Variants in MIPOL1 observed in about 807,000 individuals in gnomAD.
MIPOL1 encodes the protein mirror-image polydactyly 1, also known as mirror-image polydactyly gene 1 protein.
MIPOL1 carries 57 observed loss-of-function variants against 60.9 expected under a neutral mutation model. That is an observed-to-expected ratio of 0.94 (90% CI 0.76 to 1.17). The LOEUF (loss-of-function observed/expected upper bound fraction) is 1.17. Among genes scored for constraint, MIPOL1 ranks in the 50% most tolerant of loss-of-function variants. MIPOL1 has a pLI of 0.00. For synonymous variants in MIPOL1, 179 were observed against 168.8 expected, an observed-to-expected ratio of 1.06 and a Z score of -0.47; for missense variants, 551 against 511.6, an observed-to-expected ratio of 1.08 and a Z score of -0.74.
intron 11 of MIPOL1, among the ~76,000 whole-genome samples, chr14:37,436,440 G>T (rs905519546): frequency 5.9e-5 from 9 of 152,040 alleles, no homozygotes; most frequent in African/African-American, 2.2e-4. Context: ...ATGAATTAAA[G>T]ATTTTTATTG....
chr14:37,338,414 CT>C (rs59933277), intron 9 of MIPOL1, among the ~76,000 whole-genome samples: 3,195 of 150,198 alleles, frequency 0.021, 56 homozygotes, highest in African/African-American at 0.045. Context: ...CTGGCCCCCC[CT>C]TTTTTTTTTT....
chr14:37,443,341 T>A (rs949071349), intron 11 of MIPOL1, among the ~76,000 whole-genome samples: 4 of 151,064 alleles, frequency 2.6e-5, no homozygotes, highest in Middle Eastern at 3.4e-3. Context: ...TACCTATAGT[T>A]CCAGCTACTG....
intron 12 of MIPOL1, among the ~76,000 whole-genome samples, chr14:37,531,992 G>A (rs2095482613): frequency 6.6e-6 from 1 of 152,134 alleles, no homozygotes; most frequent in South Asian, 2.1e-4. Flanking sequence ...AGAGGAAGAG[G>A]CATTAAGGGA....
intron 9 of MIPOL1, among the ~76,000 whole-genome samples, chr14:37,353,860 C>T (rs1289118748): frequency 1.3e-5 from 2 of 152,010 alleles, no homozygotes; most frequent in Non-Finnish European, 2.9e-5. Flanking sequence ...AAAACCAGCT[C>T]CTGGATTCAT....
chr14:37,251,356 C>T (rs1224159317), intron 3 of MIPOL1, among the ~76,000 whole-genome samples: 2 of 151,986 alleles, frequency 1.3e-5, no homozygotes, highest in Admixed American at 1.3e-4. Flanking sequence ...GCGAAAACAA[C>T]TGTATCTAGC....
chr14:37,485,893 T>C (rs145307794), intron 11 of MIPOL1, among the ~76,000 whole-genome samples: 1 of 152,202 alleles, frequency 6.6e-6, no homozygotes, highest in Non-Finnish European at 1.5e-5. Context: ...GTTTTAGTCA[T>C]GAAGTCTTTG....
At chr14:37,322,390 A>G (rs767248969) in intron 9 of MIPOL1, among the ~76,000 whole-genome samples, 2 of 151,930 alleles carry the variant, frequency 1.3e-5, no homozygotes, top group Non-Finnish European at 2.9e-5. Flanking sequence ...TGATATTTTT[A>G]TATCACTCTT....
At chr14:37,270,639 TC>T in intron 6 of MIPOL1, 114 bp downstream of exon 6, 5 of 292,818 alleles carry the variant, frequency 1.7e-5, no homozygotes, top group African/African-American at 3.5e-5. Context: ...GGGGAAGCTC[TC>T]CTTTTTTTTT....
chr14:37,361,793 G>A (rs1024856950), intron 9 of MIPOL1, among the ~76,000 whole-genome samples: 4 of 151,698 alleles, frequency 2.6e-5, no homozygotes, highest in Admixed American at 2.0e-4. Flanking sequence ...ATTTTTCGTA[G>A]AGTCCGGGTT....
Position 37,357,760 on chromosome 14 carries a change from G to T in MIPOL1, c.829-11757G>T, listed in dbSNP as rs140094532. ...CCTTTGCTGTGCAGAAGATTTTTAAGTTGATGGGATCTCATTTGTCCATTT... is the reference window on the plus strand; with the variant it reads ...CCTTTGCTGTGCAGAAGATTTTTAATTTGATGGGATCTCATTTGTCCATTT... On this transcript the variant is annotated intron_variant, in intron 9 of 12. Coordinates refer to ENST00000684589, the MANE Select transcript of MIPOL1 (RefSeq NM_001388067.1). 5.9e-3 allele frequency among the ~76,000 whole-genome samples: 893 copies of T among 150,890 alleles called. 13 individuals are homozygous for T. The highest frequency in any genetic ancestry group is 0.02 in the African/African-American group (826 of 41,142).
chr14:37,353,025 T>C (rs2091521300), intron 9 of MIPOL1, among the ~76,000 whole-genome samples: 1 of 131,658 alleles, frequency 7.6e-6, no homozygotes, highest in Non-Finnish European at 1.6e-5. Context: ...CCATTCAGTA[T>C]GATATTGGCT....
chr14:37,427,372 A>G (rs1283177312), intron 11 of MIPOL1, among the ~76,000 whole-genome samples: 1 of 152,182 alleles, frequency 6.6e-6, no homozygotes, highest in East Asian at 1.9e-4. Flanking sequence ...CCAAGTTCAT[A>G]GAGACAGAAA....
chr14:37,335,737 A>G (rs35792509), intron 9 of MIPOL1, among the ~76,000 whole-genome samples: 33,307 of 151,996 alleles, frequency 0.22, 4,122 homozygotes, highest in South Asian at 0.36. Flanking sequence ...TTGGAGAAAT[A>G]TCTTCTATTC....
intron 12 of MIPOL1, among the ~76,000 whole-genome samples, chr14:37,510,927 C>A (rs936342436): frequency 6.6e-6 from 1 of 152,114 alleles, no homozygotes; most frequent in African/African-American, 2.4e-5. Flanking sequence ...CTTTCACTCT[C>A]CGAGGAGCTG....
chr14:37,329,682 G>A (rs896015310), intron 9 of MIPOL1, among the ~76,000 whole-genome samples: 1 of 152,120 alleles, frequency 6.6e-6, no homozygotes, highest in African/African-American at 2.4e-5. Flanking sequence ...GATTCCAGGA[G>A]TATAATAACT....
At chr14:37,328,289 A>G (rs2089364700) in intron 9 of MIPOL1, among the ~76,000 whole-genome samples, 1 of 152,120 alleles carries the variant, frequency 6.6e-6, no homozygotes, top group African/African-American at 2.4e-5. Flanking sequence ...TGCTGGGATT[A>G]CAGGCATAAG....
chr14:37,521,356 AT>A (rs1378313470), intron 12 of MIPOL1, among the ~76,000 whole-genome samples: 1 of 152,170 alleles, frequency 6.6e-6, no homozygotes, highest in Non-Finnish European at 1.5e-5. Context: ...GAGTATTATT[AT>A]TCTAATTTGT....
rs376150708 is a variant in MIPOL1, at chr14:37,368,758, T to C, written c.829-759T>C. Among the ~76,000 whole-genome samples the C allele has an allele frequency of 3.9e-5, 6 of 152,238 alleles. No individual in the cohort carries two copies. The South Asian group carries it at 1.2e-3, about 32-fold the overall frequency. ...TATTATGTGAAGTGTTTTACATATT[T>C]ATATTGAAATCTTATATTCAAATGG... On this transcript the variant is annotated intron_variant, in intron 9 of 12. Coordinates refer to ENST00000684589, the MANE Select transcript of MIPOL1 (RefSeq NM_001388067.1).
intron 10 of MIPOL1, among the ~76,000 whole-genome samples, chr14:37,406,967 T>C (rs1436273456): frequency 6.6e-6 from 1 of 152,134 alleles, no homozygotes; most frequent in East Asian, 1.9e-4. Context: ...GATTTACGAT[T>C]TTAGTATCTT....
Sources: allele counts gnomAD v4.1 joint callset (sites outside exome capture counted in the v4.1 genomes callset), GRCh38; gene constraint gnomAD v4.1.1; transcripts MANE v1.5; gene names NCBI Gene and HGNC (gene_info 2026-07-23, HGNC 2026-07-21).